BBS4: variants seen among roughly 807,000 people sequenced by gnomAD.
BBS4 encodes the protein BBSome complex member BBS4.
A neutral mutation model predicts 71.4 loss-of-function variants in BBS4; 58 were observed. The observed-to-expected ratio is 0.81, with a 90% CI of 0.66 to 1.01. BBS4 has a LOEUF of 1.01. Among genes scored for constraint, BBS4 ranks in the 50% least tolerant of loss-of-function variants. BBS4 has a pLI of 0.00. For synonymous variants in BBS4, 228 were observed against 216.8 expected, an observed-to-expected ratio of 1.05 and a Z score of -0.46; for missense variants, 660 against 607.9, an observed-to-expected ratio of 1.09 and a Z score of -0.90.
chr15:72,736,866 A>G lies in BBS4; in HGVS notation c.1353A>G (p.Ser451=). Residue 451 remains serine, a synonymous_variant, in exon 15 of 16, where the codon TCA becomes TCG. Coordinates refer to ENST00000268057, the MANE Select transcript of BBS4 (RefSeq NM_033028.5). ...KDPKSKHQTT[S]TSKPASFQQP... ...CCAAATCAAAGCACCAGACCACTTC[A>G]ACCAGCAAACCTGCCAGTTTCCAGC... 2 of 1,614,222 alleles carry G rather than the reference A, an allele frequency of 1.2e-6. No individual in the cohort carries two copies. Among genetic ancestry groups the G allele is most frequent in the Non-Finnish European group, 1.7e-6 (2 of 1,180,036 alleles).
At chr15:72,736,384 G>A (rs1355067722) in intron 14 of BBS4, among the ~76,000 whole-genome samples, 1 of 151,980 alleles carries the variant, frequency 6.6e-6, no homozygotes, top group African/African-American at 2.4e-5. Flanking sequence ...TGGGACTACA[G>A]GCGCGTGCCA....
chr15:72,687,946 AAGT>A (rs1255962500), intron 1 of BBS4, among the ~76,000 whole-genome samples: 1 of 151,592 alleles, frequency 6.6e-6, no homozygotes, highest in African/African-American at 2.4e-5. Flanking sequence ...AAAAAAAAAA[AAGT>A]AAATAGCATG....
At chr15:72,728,106 G>A in intron 9 of BBS4, 112 bp downstream of exon 9, 1 of 756,690 alleles carries the variant, frequency 1.3e-6, no homozygotes, top group Non-Finnish European at 2.3e-6. Flanking sequence ...GTCATATAAA[G>A]TTCATGAACT....
chr15:72,710,957 ATTT>A (rs1019864390), intron 3 of BBS4, among the ~76,000 whole-genome samples: 1 of 137,912 alleles, frequency 7.3e-6, no homozygotes, highest in Non-Finnish European at 1.6e-5. Flanking sequence ...TGCCCAGCTA[ATTT>A]TTTTTTTTTT....
chr15:72,729,489 A>G lies in BBS4; in HGVS notation c.643-127A>G, dbSNP rs191654376. ...GGTCTCGAACTCCTGACCTCAGGTG[A>G]TCCACCCACCTTAGCCTCCCAAAGT... On this transcript the variant is annotated intron_variant, in intron 9 of 15. Coordinates refer to ENST00000268057, the MANE Select transcript of BBS4 (RefSeq NM_033028.5). The G allele has an allele frequency of 7.6e-5, 62 of 816,480 alleles. No homozygotes were observed. The East Asian group carries it at 1.5e-3, about 20-fold the overall frequency. 50.6% of individuals were successfully genotyped at this position (816,480 alleles called of 1,614,324 possible). A position where few individuals can be genotyped will look rare whatever the true frequency, so the allele number is the denominator to read the frequency against.
intron 6 of BBS4, 157 bp downstream of exon 6, chr15:72,717,007 C>A: frequency 1.5e-6 from 1 of 653,190 alleles, no homozygotes; most frequent in South Asian, 1.9e-5. Flanking sequence ...GATCAAAAAC[C>A]ATGTTTCCTC....
intron 6 of BBS4, among the ~76,000 whole-genome samples, chr15:72,721,861 A>T (rs2065583127): frequency 6.6e-6 from 1 of 152,202 alleles, no homozygotes; most frequent in African/African-American, 2.4e-5. Context: ...AGGGAGGTTT[A>T]TTATAAAGGA....
At chr15:72,697,791 CTT>C (rs1230616948) in intron 2 of BBS4, among the ~76,000 whole-genome samples, 3 of 152,138 alleles carry the variant, frequency 2.0e-5, no homozygotes, top group African/African-American at 7.2e-5. Flanking sequence ...AAGTTTGACT[CTT>C]TAGTTTTGAG....
intron 5 of BBS4, among the ~76,000 whole-genome samples, chr15:72,715,817 T>C (rs1436961049): frequency 6.6e-6 from 1 of 152,224 alleles, no homozygotes; most frequent in African/African-American, 2.4e-5. Flanking sequence ...TTACATAATT[T>C]TTCAACTTTA....
intron 9 of BBS4, among the ~76,000 whole-genome samples, chr15:72,728,920 C>T (rs1232090826): frequency 2.0e-5 from 3 of 152,136 alleles, no homozygotes; most frequent in African/African-American, 7.2e-5. Context: ...TAAAAGGAAT[C>T]AGGAGCTTAA....
intron 7 of BBS4, 97 bp from the exon 8 acceptor site, chr15:72,724,431 G>T: frequency 6.4e-7 from 1 of 1,556,266 alleles, no homozygotes. Flanking sequence ...ATGTTCCTAT[G>T]TCAATACAGC....
At chr15:72,737,322 CTTTA>C (rs528430488) in intron 15 of BBS4, among the ~76,000 whole-genome samples, 152 bp from the exon 16 acceptor site, 119 of 152,304 alleles carry the variant, frequency 7.8e-4, no homozygotes, top group African/African-American at 2.7e-3. Context: ...TTGACTGTTG[CTTTA>C]TTTCTCAGTT....
rs1030498101 is a variant in BBS4, at chr15:72,738,181, C to T, written c.*594C>T. On this transcript the variant is annotated 3_prime_UTR_variant, in exon 16 of 16. Coordinates refer to ENST00000268057, the MANE Select transcript of BBS4 (RefSeq NM_033028.5). ...GCCCAAAGGGAATCCAGAACAAGTC[C>T]CTCCCTGTATTTTGTTCTTGAGAGG... 3 of 451,090 alleles carry T rather than the reference C, an allele frequency of 6.7e-6. No homozygotes were observed. The highest frequency in any genetic ancestry group is 1.6e-5 in the South Asian group (1 of 63,948). The allele number at this position is 451,090 out of a possible 1,614,324, so 27.9% of individuals were successfully genotyped here.
intron 1 of BBS4, among the ~76,000 whole-genome samples, chr15:72,688,690 A>G (rs1438819189): frequency 1.3e-5 from 2 of 152,154 alleles, no homozygotes; most frequent in Non-Finnish European, 2.9e-5. Flanking sequence ...GGCGTGAGCC[A>G]TGGCCCCCTG....
At position 72,737,959 on chromosome 15, in the gene BBS4, A is replaced by G. The variant is rs1211252531; in HGVS notation, c.*372A>G. On this transcript the variant is annotated 3_prime_UTR_variant, in exon 16 of 16. Coordinates refer to ENST00000268057, the MANE Select transcript of BBS4 (RefSeq NM_033028.5). ...CCTTAGTTCAAGGAACAGCTGAGAC[A>G]GACCTCTGCTGAGTAGCTCTGTGAT... is the stretch of plus-strand genomic sequence containing the variant. 1 of 455,208 alleles carries G rather than the reference A, an allele frequency of 2.2e-6. No homozygotes were observed. Among genetic ancestry groups the G allele is most frequent in the South Asian group, 1.6e-5 (1 of 64,480 alleles). The allele number at this position is 455,208 out of a possible 1,614,324, so 28.2% of individuals were successfully genotyped here.
chr15:72,688,430 T>TTTTTTTTTTTTTC (rs1285460524), intron 1 of BBS4, among the ~76,000 whole-genome samples: 2 of 144,554 alleles, frequency 1.4e-5, no homozygotes, highest in African/African-American at 5.3e-5. Context: ...TTTTTTTTTT[T>TTTTTTTTTTTTTC]TGAGACGGAG....
chr15:72,712,317 A>G lies in BBS4; in HGVS notation c.220+10A>G, dbSNP rs1400026278. ...GCTATCTATGTCCAAGGTAAGACAC[A>G]TACTTCTTGTCTTCTTGCTAGAGAA... On this transcript the variant is annotated intron_variant, in intron 4 of 15. Transcript: ENST00000268057. 6 of 1,610,172 alleles carry G rather than the reference A, an allele frequency of 3.7e-6. No homozygotes were observed. Among genetic ancestry groups the G allele is most frequent in the Middle Eastern group, 1.6e-4 (1 of 6,070 alleles).
At chr15:72,690,589 A>G (rs2064966854) in intron 1 of BBS4, among the ~76,000 whole-genome samples, 1 of 152,196 alleles carries the variant, frequency 6.6e-6, no homozygotes, top group Non-Finnish European at 1.5e-5. Context: ...AGTTTTGTTG[A>G]GGTATAATAC....
chr15:72,692,377 G>A (rs907915204), intron 1 of BBS4, among the ~76,000 whole-genome samples: 3 of 128,518 alleles, frequency 2.3e-5, no homozygotes, highest in African/African-American at 8.8e-5. Context: ...GTGCAGTGGC[G>A]TGATCTTGGC....
Sources: allele counts gnomAD v4.1 joint callset (sites outside exome capture counted in the v4.1 genomes callset), GRCh38; gene constraint gnomAD v4.1.1; transcripts MANE v1.5; gene names NCBI Gene and HGNC (gene_info 2026-07-23, HGNC 2026-07-21).